Variants in SEC14L3 observed in about 807,000 individuals in gnomAD.
SEC14L3 encodes the protein SEC14-like protein 3.
SEC14L3 carries 56 observed loss-of-function variants against 57.4 expected under a neutral mutation model. That is an observed-to-expected ratio of 0.97 (90% CI 0.79 to 1.22). The LOEUF (loss-of-function observed/expected upper bound fraction) is 1.22, where lower values mean the gene tolerates loss of function less well. Ranked by LOEUF, SEC14L3 falls within the 50% of genes most tolerant of loss-of-function variation. The pLI is 0.00. For missense variants in SEC14L3, 485 were observed against 511.7 expected (o/e 0.95, Z 0.50); for synonymous variants, 173 against 194.4 (o/e 0.89, Z 0.92).
chr22:30,461,398 C>A lies in SEC14L3; in HGVS notation c.993G>T (p.Gly331=). 1 of 1,614,102 alleles carries A rather than the reference C, an allele frequency of 6.2e-7. No homozygotes were observed. The highest frequency in any genetic ancestry group is 8.5e-7 in the Non-Finnish European group (1 of 1,179,986). ...GGCTGGGTAGAACATCTGTCATCTC[C>A]CCTGCCCGCTGTCGCTCCCCCATCT... ...KTKMGERQRA[G]EMTDVLPSQR... The change falls in exon 11 of 12, where the codon GGG becomes GGT. Residue 331 remains glycine, a synonymous_variant. Transcript: ENST00000215812.
Position 30,449,382 on chromosome 22 carries a change from T to C in SEC14L3, c.905-138A>G, listed in dbSNP as rs933142367. On this transcript the variant is annotated intron_variant, in intron 12 of 12. Coordinates refer to the SEC14L3 transcript ENST00000403066. ...TAGGATTCTATGTGTCATTCTATAA[T>C]AGAATGACATTATACAATAACTTAA... 8.0e-6 allele frequency: 10 copies of C among 1,244,778 alleles called. No individual in the cohort carries two copies. In the Middle Eastern group the frequency reaches 7.9e-4, roughly 98 times the overall value. The allele number at this position is 1,244,778 out of a possible 1,614,324, so 77.1% of individuals were successfully genotyped here.
At chr22:30,455,819 A>G (rs147334226), downstream of SEC14L3, among the ~76,000 whole-genome samples, 26 of 152,318 alleles carry the variant, frequency 1.7e-4, 1 homozygote, top group East Asian at 5.0e-3. Flanking sequence ...CACCAACTCT[A>G]GCTTCCCAAG....
chr22:30,460,760 G>A (rs1320082438), intron 11 of SEC14L3, among the ~76,000 whole-genome samples: 1 of 151,326 alleles, frequency 6.6e-6, no homozygotes, highest in Non-Finnish European at 1.5e-5. Context: ...CCCGGGAGGG[G>A]GAGGTTGCGG....
chr22:30,463,212 A>C (rs976617403), intron 8 of SEC14L3, among the ~76,000 whole-genome samples: 74 of 152,134 alleles, frequency 4.9e-4, no homozygotes, highest in African/African-American at 1.7e-3. Context: ...GGGCTTTTGG[A>C]GGGACCCTCC....
intron 5 of SEC14L3, 84 bp from the exon 6 acceptor site, chr22:30,467,161 G>A (rs1935444346): frequency 2.5e-6 from 4 of 1,584,614 alleles, no homozygotes; most frequent in African/African-American, 1.3e-5. Context: ...ACCCCTTGGG[G>A]CTTCTTCTAG....
At chr22:30,460,356 C>A in intron 11 of SEC14L3, 1 of 799,788 alleles carries the variant, frequency 1.3e-6, no homozygotes, top group African/African-American at 1.9e-5. Flanking sequence ...TGTGCCCAGG[C>A]ATGGCTTTAC....
chr22:30,464,786 A>G (rs941064312), intron 8 of SEC14L3, 34 bp downstream of exon 8: 16 of 1,606,946 alleles, frequency 1.0e-5, no homozygotes, highest in East Asian at 2.2e-5. Flanking sequence ...AAGGTCATGT[A>G]TAGAGGTCAG....
intron 12 of SEC14L3, among the ~76,000 whole-genome samples, chr22:30,451,316 C>T (rs953799332): frequency 3.3e-5 from 5 of 151,772 alleles, no homozygotes; most frequent in African/African-American, 1.2e-4. Flanking sequence ...TGGGGTTAGT[C>T]GGGGAGGGGA....
chr22:30,449,049 C>A (rs531188397), exon 13 of SEC14L3: 6 of 1,541,946 alleles, frequency 3.9e-6, no homozygotes, highest in South Asian at 1.2e-5. Context: ...GGGGGTGAGT[C>A]CTCTTACACA....
chr22:30,465,178 G>A (rs1157370452), intron 7 of SEC14L3, among the ~76,000 whole-genome samples: 2 of 152,082 alleles, frequency 1.3e-5, no homozygotes, highest in East Asian at 3.9e-4. Flanking sequence ...CACCTATTCA[G>A]TCAACCAATA....
chr22:30,451,125 G>C (rs1309166079), intron 12 of SEC14L3, among the ~76,000 whole-genome samples: 1 of 152,218 alleles, frequency 6.6e-6, no homozygotes, highest in Non-Finnish European at 1.5e-5. Context: ...GTGGCACCAA[G>C]GTACAGTGGG....
In SEC14L3 at chr22:30,461,349, G is replaced by A. The variant is rs754648251; in HGVS notation, c.1042C>T (p.Pro348Ser). ...PSQRYNAHMV[P>S]EDGNLTCSEA... Reference sequence around the variant, plus strand: ...GAGCAGGTGAGGTTCCCATCCTCGGGCACCATGTGGGCGTTATAGCGCTGG... The same window carrying A: ...GAGCAGGTGAGGTTCCCATCCTCGGACACCATGTGGGCGTTATAGCGCTGG... Residue 348 changes from proline (P) to serine (S), a missense_variant, in exon 11 of 12, where the codon CCC (proline) becomes TCC (serine). By Grantham distance (74) the Pro-to-Ser change is moderately conservative. Coordinates refer to ENST00000215812, the MANE Select transcript of SEC14L3 (RefSeq NM_174975.5). 1.9e-6 allele frequency: 3 copies of A among 1,611,562 alleles called. No individual in the cohort carries two copies. The highest frequency in any genetic ancestry group is 2.5e-6 in the Non-Finnish European group (3 of 1,178,714).
downstream of SEC14L3, among the ~76,000 whole-genome samples, chr22:30,457,677 C>T (rs1465438971): frequency 7.8e-6 from 1 of 127,828 alleles, no homozygotes; most frequent in African/African-American, 3.3e-5. Context: ...GCCACTGCAC[C>T]TGGCCATGCT....
In SEC14L3 at chr22:30,468,385, C is replaced by T. The variant is rs547035743; in HGVS notation, c.423+123G>A. ...GCCACACAGCTGGTAAGCAACAGAG[C>T]TGGTGTTTGACCCCAGAGCCCTCTG... On this transcript the variant is annotated intron_variant, in intron 5 of 11. Coordinates refer to ENST00000215812, the MANE Select transcript of SEC14L3 (RefSeq NM_174975.5). 1,169 of 654,450 alleles carry T rather than the reference C, an allele frequency of 1.8e-3. 1 individual carries two copies. The highest frequency in any genetic ancestry group is 2.6e-3 in the Non-Finnish European group (952 of 372,088). 40.5% of individuals were successfully genotyped at this position (654,450 alleles called of 1,614,324 possible). A position where few individuals can be genotyped will look rare whatever the true frequency, so the allele number is the denominator to read the frequency against.
In SEC14L3 at chr22:30,470,066, G is replaced by A. The variant is rs114438349; in HGVS notation, c.187C>T (p.Arg63Trp). 0.018 allele frequency: 28,821 copies of A among 1,597,274 alleles called. 421 individuals carry two copies. The highest frequency in any genetic ancestry group is 0.05 in the Middle Eastern group (300 of 5,964). Residue 63 changes from arginine (R) to tryptophan (W), a missense_variant, in exon 4 of 12, where the codon CGG becomes TGG. Transcript: ENST00000215812. ...EALLRKYMEF[R>W]KTMDIDHILD... ...ATATGGTCAATATCCATGGTCTTCC[G>A]GAACTCCATGTACTGAAAGGGAAAT...
Position 30,461,422 on chromosome 22 carries a change from C to A in SEC14L3, c.969G>T (p.Lys323Asn). 1 of 1,614,108 alleles carries A rather than the reference C, an allele frequency of 6.2e-7. No homozygotes were observed. Among genetic ancestry groups the A allele is most frequent in the Non-Finnish European group, 8.5e-7 (1 of 1,179,980 alleles). ...DIGFGVFLKT[K>N]MGERQRAGEM... is the part of the protein sequence containing the mutation. ...CCCCTGCCCGCTGTCGCTCCCCCAT[C>A]TTGGTCTTCAGGAAAACTCCGAAGC... Residue 323 changes from lysine to asparagine, a missense_variant, in exon 11 of 12, where the codon AAG becomes AAT. Physicochemically the swap from Lys to Asn is moderately conservative, Grantham distance 94 (BLOSUM62 0). Transcript: ENST00000215812.
chr22:30,461,938 A>C (rs1935280634), intron 9 of SEC14L3, 148 bp downstream of exon 9: 5 of 1,010,256 alleles, frequency 4.9e-6, no homozygotes, highest in African/African-American at 1.6e-5. Context: ...AGCTGCTGAG[A>C]GCTCTGTAAG....
exon 13 of SEC14L3, chr22:30,448,490 C>T (rs573916553): frequency 6.6e-6 from 1 of 151,664 alleles, no homozygotes; most frequent in South Asian, 2.1e-4. Flanking sequence ...TCCTATCCTG[C>T]TCTCTTGGCC....
intron 12 of SEC14L3, among the ~76,000 whole-genome samples, chr22:30,451,422 C>T (rs1270720888): frequency 6.6e-6 from 1 of 152,040 alleles, no homozygotes; most frequent in East Asian, 1.9e-4. Flanking sequence ...ACCTTGTCCC[C>T]GGCCCCCCCT....
Sources: allele counts gnomAD v4.1 joint callset (sites outside exome capture counted in the v4.1 genomes callset), GRCh38; gene constraint gnomAD v4.1.1; transcripts MANE v1.5; gene names NCBI Gene and HGNC (gene_info 2026-07-23, HGNC 2026-07-21).